The following SGIP1 variants were observed in gnomAD, a reference collection of about 807,000 sequenced individuals.
SGIP1 encodes the protein SH3GL interacting endocytic adaptor 1, also known as SH3-containing GRB2-like protein 3-interacting protein 1.
In SGIP1, 38 loss-of-function variants were observed where a neutral mutation model predicts 107.5. That is an observed-to-expected ratio of 0.35 (90% CI 0.27 to 0.46). The LOEUF is 0.46. SGIP1 is among the 20% of genes least tolerant of loss of function. SGIP1 has a pLI of 1.00. For synonymous variants in SGIP1, 365 were observed against 366.1 expected (o/e 1.00, Z 0.03); for missense variants, 929 against 1,019.5 (o/e 0.91, Z 1.21).
chr1:66,674,779 C>CTAT (rs1305250681), intron 12 of SGIP1, among the ~76,000 whole-genome samples: 1 of 152,222 alleles, frequency 6.6e-6, no homozygotes, highest in Non-Finnish European at 1.5e-5. Context: ...TCACTGCTAA[C>CTAT]TATTCTAAGA....
chr1:66,602,377 T>C (rs1467368084), intron 1 of SGIP1, among the ~76,000 whole-genome samples: 1 of 152,156 alleles, frequency 6.6e-6, no homozygotes, highest in South Asian at 2.1e-4. Context: ...AGAATTATGA[T>C]GGAAATATGA....
At chr1:66,670,512 T>C (rs2083524057) in intron 9 of SGIP1, among the ~76,000 whole-genome samples, 1 of 152,258 alleles carries the variant, frequency 6.6e-6, no homozygotes, top group Admixed American at 6.5e-5. Flanking sequence ...CCCTGCCTTT[T>C]ACACTTGCTA....
intron 8 of SGIP1, 145 bp downstream of exon 8, chr1:66,660,669 G>C: frequency 1.2e-6 from 1 of 805,896 alleles, no homozygotes; most frequent in Non-Finnish European, 2.1e-6. Context: ...CCATGACCAG[G>C]TCTCATTATG....
chr1:66,698,370 T>C (rs2091318696), intron 18 of SGIP1, among the ~76,000 whole-genome samples: 1 of 147,942 alleles, frequency 6.8e-6, no homozygotes. Context: ...AGATTGCAAA[T>C]GGTGATGACT....
At chr1:66,723,311 A>C (rs1011685503) in intron 19 of SGIP1, among the ~76,000 whole-genome samples, 8 of 152,204 alleles carry the variant, frequency 5.3e-5, no homozygotes, top group Non-Finnish European at 4.4e-5. Flanking sequence ...GAAATCTACT[A>C]TCTTAATTTT....
chr1:66,554,849 C>T (rs531861960), intron 1 of SGIP1, among the ~76,000 whole-genome samples: 24 of 152,164 alleles, frequency 1.6e-4, no homozygotes, highest in Admixed American at 5.9e-4. Flanking sequence ...ACTTTGCTAC[C>T]GATTTTTAAC....
In SGIP1 at chr1:66,709,710, A is replaced by G. The variant is rs183382639; in HGVS notation, c.1631-9584A>G. Among the ~76,000 whole-genome samples, 189 of 152,276 alleles carry G rather than the reference A, an allele frequency of 1.2e-3. 1 individual carries two copies. The highest frequency in any genetic ancestry group is 4.5e-3 in the African/African-American group (186 of 41,558). The stretch of plus-strand genomic sequence containing the variant: ...AGAAGCCAAGGCAGCACTTAACAGA[A>G]GCTTCTTGACTTTTTTAAGCTTCAG... On this transcript the variant is annotated intron_variant, in intron 18 of 24. Transcript: ENST00000371037.
intron 1 of SGIP1, among the ~76,000 whole-genome samples, chr1:66,579,514 A>G (rs2061533220): frequency 6.6e-6 from 1 of 152,192 alleles, no homozygotes; most frequent in Admixed American, 6.5e-5. Flanking sequence ...TGTTTCTTAA[A>G]TTCTGTGCAT....
At chr1:66,705,204 G>A (rs915902533) in intron 18 of SGIP1, among the ~76,000 whole-genome samples, 90 of 152,224 alleles carry the variant, frequency 5.9e-4, no homozygotes, top group African/African-American at 2.0e-3. Context: ...TGACTTTGCC[G>A]TACCAAGTCA....
At chr1:66,713,856 T>C (rs1338821728) in intron 18 of SGIP1, among the ~76,000 whole-genome samples, 1 of 152,130 alleles carries the variant, frequency 6.6e-6, no homozygotes, top group African/African-American at 2.4e-5. Flanking sequence ...AAAATCAATA[T>C]AATAGCCACC....
chr1:66,729,036 C>T (rs957463705), intron 19 of SGIP1, among the ~76,000 whole-genome samples: 2 of 151,988 alleles, frequency 1.3e-5, no homozygotes, highest in African/African-American at 4.8e-5. Flanking sequence ...ACAAAATAAT[C>T]TGTACACCAA....
chr1:66,682,810 G>A (rs965136334), intron 15 of SGIP1, among the ~76,000 whole-genome samples: 2 of 140,512 alleles, frequency 1.4e-5, no homozygotes, highest in African/African-American at 4.9e-5. Context: ...GGAGGGGGTG[G>A]GTGGGCTTCT....
intron 1 of SGIP1, among the ~76,000 whole-genome samples, chr1:66,615,644 A>C (rs1187244434): frequency 1.3e-5 from 2 of 152,156 alleles, no homozygotes; most frequent in East Asian, 1.9e-4. Flanking sequence ...AGGGTTTTTT[A>C]AACCTCATTT....
intron 1 of SGIP1, among the ~76,000 whole-genome samples, chr1:66,545,861 G>A (rs1489065496): frequency 6.6e-6 from 1 of 152,074 alleles, no homozygotes; most frequent in Non-Finnish European, 1.5e-5. Flanking sequence ...TTCTCTTTTA[G>A]GCATAGCACA....
At chr1:66,718,712 A>G (rs1294293578) in intron 18 of SGIP1, among the ~76,000 whole-genome samples, 2 of 152,074 alleles carry the variant, frequency 1.3e-5, no homozygotes, top group Admixed American at 1.3e-4. Context: ...AGTGTGAATT[A>G]GTGCATTTAT....
At chr1:66,602,587 AT>A (rs1362446957) in intron 1 of SGIP1, among the ~76,000 whole-genome samples, 1 of 152,158 alleles carries the variant, frequency 6.6e-6, no homozygotes, top group African/African-American at 2.4e-5. Flanking sequence ...ACATGTATAC[AT>A]ATGTAACAAA....
At chr1:66,681,829 T>G (rs375962945) in intron 14 of SGIP1, 40 bp from the exon 15 acceptor site, 2 of 1,565,628 alleles carry the variant, frequency 1.3e-6, no homozygotes, top group African/African-American at 2.7e-5. Context: ...ACACAAATAA[T>G]AAGTCAATTA....
intron 1 of SGIP1, among the ~76,000 whole-genome samples, chr1:66,544,713 C>A (rs1464790489): frequency 1.3e-5 from 2 of 152,142 alleles, no homozygotes; most frequent in Non-Finnish European, 1.5e-5. Flanking sequence ...ATATAAAAAA[C>A]CACTAGAATA....
chr1:66,694,451 A>G (rs1180246363), intron 17 of SGIP1: 5 of 1,607,524 alleles, frequency 3.1e-6, no homozygotes. Context: ...TCAGAAGACG[A>G]TGTTTTTTAT....
Sources: allele counts gnomAD v4.1 joint callset (sites outside exome capture counted in the v4.1 genomes callset), GRCh38; gene constraint gnomAD v4.1.1; transcripts MANE v1.5; gene names NCBI Gene and HGNC (gene_info 2026-07-23, HGNC 2026-07-21).